Variants in SIPA1L1 observed in about 807,000 individuals in gnomAD.
SIPA1L1 encodes the protein signal-induced proliferation-associated 1-like protein 1.
Under a neutral mutation model 162.7 loss-of-function variants are expected in SIPA1L1, and 26 were observed. That is an observed-to-expected ratio of 0.16 (90% CI 0.12 to 0.22). SIPA1L1 has a LOEUF of 0.22. SIPA1L1 is among the 10% of genes least tolerant of loss of function. SIPA1L1 has a pLI of 1.00. For missense variants in SIPA1L1, 1,874 were observed against 2,241.0 expected, an observed-to-expected ratio of 0.84 and a Z score of 3.31; for synonymous variants, 829 against 837.4, an observed-to-expected ratio of 0.99 and a Z score of 0.17.
chr14:71,555,719 A>C (rs906685032), intron 4 of SIPA1L1, among the ~76,000 whole-genome samples: 1 of 152,070 alleles, frequency 6.6e-6, no homozygotes, highest in East Asian at 1.9e-4. Flanking sequence ...TCTTCCTTTC[A>C]CTTTCAAGTT....
chr14:71,326,821 C>T (rs1034714539), intron 2 of SIPA1L1, among the ~76,000 whole-genome samples: 3 of 149,306 alleles, frequency 2.0e-5, no homozygotes, highest in African/African-American at 7.4e-5. Context: ...AAGCGATTCT[C>T]CTGCCTCAGC....
intron 13 of SIPA1L1, among the ~76,000 whole-genome samples, chr14:71,690,807 G>T (rs1302073001): frequency 6.6e-6 from 1 of 152,210 alleles, no homozygotes; most frequent in Non-Finnish European, 1.5e-5. Context: ...ACTGTCATCT[G>T]TATGTGGGCA....
rs1596403585 is a variant in SIPA1L1 at position 71,610,913 on chromosome 14, G to A, written c.1499-7844G>A. ...TGGGAAGAAGAAATGGAATGTCAGA[G>A]TACTATGCAGTTTGTAAATGTGAGC... On this transcript the variant is annotated intron_variant, in intron 5 of 23. Transcript: ENST00000381232. Among the ~76,000 whole-genome samples the A allele has an allele frequency of 2.6e-5, 4 of 152,148 alleles. No individual in the cohort carries two copies. The South Asian group carries it at 8.3e-4, about 32-fold the overall frequency.
intron 2 of SIPA1L1, among the ~76,000 whole-genome samples, chr14:71,470,874 G>T (rs886367939): frequency 1.3e-5 from 2 of 151,976 alleles, no homozygotes; most frequent in African/African-American, 4.8e-5. Flanking sequence ...ATCTTGCTCT[G>T]TTGCCCAGGC....
intron 2 of SIPA1L1, among the ~76,000 whole-genome samples, chr14:71,342,333 G>T (rs948169611): frequency 2.6e-5 from 4 of 152,102 alleles, no homozygotes; most frequent in Non-Finnish European, 5.9e-5. Context: ...TTTCCTTTGG[G>T]TATATACCTA....
At chr14:71,387,675 T>G (rs544536903) in intron 2 of SIPA1L1, among the ~76,000 whole-genome samples, 1 of 152,334 alleles carries the variant, frequency 6.6e-6, no homozygotes, top group East Asian at 1.9e-4. Flanking sequence ...AGATAACCAT[T>G]TCACCTCTGC....
intron 19 of SIPA1L1, among the ~76,000 whole-genome samples, chr14:71,729,187 C>T (rs1190186581): frequency 6.6e-6 from 1 of 152,108 alleles, no homozygotes; most frequent in South Asian, 2.1e-4. Flanking sequence ...AGGCGTGCAC[C>T]ACCACGGCTG....
chr14:71,491,128 A>G (rs147315075), intron 2 of SIPA1L1, among the ~76,000 whole-genome samples: 558 of 152,344 alleles, frequency 3.7e-3, no homozygotes, highest in Non-Finnish European at 5.5e-3. Context: ...ACCTATTAAT[A>G]TATTTCTAAC....
At chr14:71,537,451 C>T (rs192628368) in intron 4 of SIPA1L1, among the ~76,000 whole-genome samples, 2 of 152,130 alleles carry the variant, frequency 1.3e-5, no homozygotes, top group African/African-American at 2.4e-5. Flanking sequence ...GTGATCCAAC[C>T]GCCTCAGCCT....
intron 2 of SIPA1L1, among the ~76,000 whole-genome samples, chr14:71,395,815 C>T (rs1011903286): frequency 6.6e-6 from 1 of 152,170 alleles, no homozygotes; most frequent in Non-Finnish European, 1.5e-5. Context: ...AGTATGAAAA[C>T]TATGCGCCAA....
intron 12 of SIPA1L1, among the ~76,000 whole-genome samples, chr14:71,676,271 G>A (rs1010470205): frequency 3.3e-5 from 5 of 151,318 alleles, no homozygotes; most frequent in Admixed American, 6.6e-5. Context: ...CAGCCTGGGC[G>A]ACGGAGGTAG....
At chr14:71,690,857 C>T (rs1008372302) in intron 13 of SIPA1L1, among the ~76,000 whole-genome samples, 1 of 152,184 alleles carries the variant, frequency 6.6e-6, no homozygotes, top group Non-Finnish European at 1.5e-5. Flanking sequence ...CTCTTTTTCA[C>T]TTTTCATATT....
At position 71,569,341 on chromosome 14, in the gene SIPA1L1, A is replaced by G. The variant is rs185206143; in HGVS notation, c.-302-18230A>G. Among the ~76,000 whole-genome samples, 161 of 152,304 alleles carry G rather than the reference A, an allele frequency of 1.1e-3. 1 individual carries two copies. The highest frequency in any genetic ancestry group is 1.9e-3 in the Non-Finnish European group (126 of 68,034). ...GCAACCCCAGGATTGGAGGGTCCCA[A>G]GTAGCTGGGAGGATTGCACTAAGGG... On this transcript the variant is annotated intron_variant, in intron 4 of 23. Coordinates refer to ENST00000381232, the MANE Select transcript of SIPA1L1 (RefSeq NM_001386936.1).
chr14:71,668,570 A>G (rs2044234842), intron 10 of SIPA1L1, among the ~76,000 whole-genome samples: 1 of 152,250 alleles, frequency 6.6e-6, no homozygotes, highest in South Asian at 2.1e-4. Context: ...AGTAGAATGT[A>G]AAATCGAGGT....
intron 2 of SIPA1L1, among the ~76,000 whole-genome samples, chr14:71,417,639 A>G (rs1266391065): frequency 2.0e-5 from 3 of 151,846 alleles, no homozygotes; most frequent in African/African-American, 7.3e-5. Flanking sequence ...TGCTGTCTCC[A>G]GTGGCAGAGG....
intron 2 of SIPA1L1, among the ~76,000 whole-genome samples, chr14:71,359,056 A>G (rs144219291): frequency 1.4e-3 from 211 of 152,298 alleles, no homozygotes; most frequent in Non-Finnish European, 2.5e-3. Flanking sequence ...ACCTTATGGT[A>G]TGGTTTGGTT....
At chr14:71,627,700 C>T (rs1406116273) in intron 7 of SIPA1L1, among the ~76,000 whole-genome samples, 1 of 152,120 alleles carries the variant, frequency 6.6e-6, no homozygotes, top group Non-Finnish European at 1.5e-5. Context: ...ATTTAATCCT[C>T]ACAGCAACCC....
At chr14:71,421,186 G>A (rs1450251403) in intron 2 of SIPA1L1, among the ~76,000 whole-genome samples, 1 of 152,128 alleles carries the variant, frequency 6.6e-6, no homozygotes, top group Non-Finnish European at 1.5e-5. Flanking sequence ...TATACTTAAC[G>A]ATTGAATGAG....
chr14:71,678,313 C>T (rs1262397219), intron 12 of SIPA1L1, among the ~76,000 whole-genome samples: 1 of 152,122 alleles, frequency 6.6e-6, no homozygotes, highest in African/African-American at 2.4e-5. Flanking sequence ...GAGATAAGTC[C>T]CATCAATACA....
Sources: gnomAD v4.1 joint callset for allele counts (sites outside exome capture counted in the v4.1 genomes callset) on GRCh38, gnomAD v4.1.1 for gene constraint, MANE v1.5 for transcripts, NCBI Gene and HGNC (gene_info 2026-07-23, HGNC 2026-07-21) for gene names.